APBB2: variants seen among roughly 807,000 people sequenced by gnomAD.
The protein encoded by APBB2 is Fe65-like 1.
In APBB2, 38 loss-of-function variants were observed where a neutral mutation model predicts 82.5. The observed-to-expected ratio is 0.46, with a 90% CI of 0.36 to 0.60. The LOEUF (loss-of-function observed/expected upper bound fraction) is 0.60. Among genes scored for constraint, APBB2 ranks in the 20% least tolerant of loss-of-function variants. The pLI is 0.00. For synonymous variants in APBB2, 341 were observed against 368.2 expected (o/e 0.93, Z 0.85); for missense variants, 772 against 972.3 (o/e 0.79, Z 2.74).
intron 13 of APBB2, among the ~76,000 whole-genome samples, chr4:40,827,506 C>G (rs551633538): frequency 1.3e-5 from 2 of 152,284 alleles, no homozygotes; most frequent in Non-Finnish European, 2.9e-5. Flanking sequence ...CTAGAAACAA[C>G]TCAAACAAGT....
intron 6 of APBB2, among the ~76,000 whole-genome samples, chr4:40,992,810 G>T (rs1360163107): frequency 6.6e-6 from 1 of 152,116 alleles, no homozygotes; most frequent in East Asian, 1.9e-4. Flanking sequence ...CGAGGCTCAT[G>T]GGCAATGACG....
At chr4:40,989,331 G>A (rs781625132) in intron 6 of APBB2, among the ~76,000 whole-genome samples, 2 of 152,072 alleles carry the variant, frequency 1.3e-5, no homozygotes, top group Non-Finnish European at 2.9e-5. Context: ...ATGGCTTCCA[G>A]AGGTAGATGC....
At position 40,871,753 on chromosome 4, in the gene APBB2, TATTCTCCCCTC is replaced by T. The variant is rs1299150763; in HGVS notation, c.1529+18600_1529+18610del. 1.3e-4 allele frequency among the ~76,000 whole-genome samples: 20 copies of T among 152,336 alleles called. No individual in the cohort carries two copies. The East Asian group carries it at 1.3e-3, about 10-fold the overall frequency. ...GTCAAAACATGCACAGAGTTCTGAT[TATTCTCCCCTC>T]ATTCTCCCCTTCAGATAATCAAAAG... On this transcript the variant is annotated intron_variant, in intron 12 of 17. Coordinates refer to ENST00000508593, the MANE Select transcript of APBB2 (RefSeq NM_004307.2).
At chr4:40,920,832 T>C (rs1404240513) in intron 10 of APBB2, among the ~76,000 whole-genome samples, 1 of 152,102 alleles carries the variant, frequency 6.6e-6, no homozygotes, top group Non-Finnish European at 1.5e-5. Flanking sequence ...GATCACACCA[T>C]TGCACTCCAG....
Position 40,830,369 on chromosome 4 carries a change from C to T in APBB2, c.1644+94G>A, listed in dbSNP as rs1751456908. ...GCCTACTTCTCCCTGAGCTCAACTG[C>T]AGGTTGATGTGCCCACTCCCCCGCC... is the stretch of plus-strand genomic sequence containing the variant. On this transcript the variant is annotated intron_variant, in intron 13 of 17. Transcript: ENST00000508593. The T allele has an allele frequency of 3.8e-6, 3 of 799,932 alleles. No individual in the cohort carries two copies. In the South Asian group the frequency reaches 4.3e-5, roughly 11 times the overall value. 49.6% of individuals were successfully genotyped at this position (799,932 alleles called of 1,614,324 possible).
rs6846748 is a variant in APBB2, at chr4:40,906,423, G to A, written c.1255-13012C>T. ...CAGAGGCTACAGTGAGCTGAGGTGC[G>A]CCACTGCACTCCAGCCTGGGTGACA... On this transcript the variant is annotated intron_variant, in intron 10 of 17. Coordinates refer to ENST00000508593, the MANE Select transcript of APBB2 (RefSeq NM_004307.2). Among the ~76,000 whole-genome samples, 785 of 137,060 alleles carry A rather than the reference G, an allele frequency of 5.7e-3. 5 individuals carry two copies. The highest frequency in any genetic ancestry group is 0.021 in the African/African-American group (736 of 34,966). 89.9% of individuals were successfully genotyped at this position (137,060 alleles called of 152,430 possible).
At chr4:40,961,323 A>G (rs1325909881) in intron 6 of APBB2, among the ~76,000 whole-genome samples, 2 of 152,086 alleles carry the variant, frequency 1.3e-5, no homozygotes, top group Non-Finnish European at 2.9e-5. Flanking sequence ...AAACACAAAC[A>G]TATAGACATC....
At chr4:40,989,059 C>G (rs1333510789) in intron 6 of APBB2, among the ~76,000 whole-genome samples, 2 of 152,032 alleles carry the variant, frequency 1.3e-5, no homozygotes, top group Non-Finnish European at 2.9e-5. Context: ...GCGCCTGGCC[C>G]CAGAGTACTT....
rs748626664 is a variant in APBB2, at chr4:40,945,067, A to G, written c.842T>C (p.Ile281Thr). 23 of 1,342,876 alleles carry G rather than the reference A, an allele frequency of 1.7e-5. No homozygotes were observed. In the Middle Eastern group the frequency reaches 6.2e-4, roughly 36 times the overall value. 83.2% of individuals were successfully genotyped at this position (1,342,876 alleles called of 1,614,324 possible). ...SPSSPDETAD[I>T]WSDHSFQTDP... ...AGTCTGAAATGAGTGATCACTCCAT[A>G]TATCTGCTGAAAAATTGGGGGGCGG... Residue 281 changes from isoleucine to threonine, a missense_variant, in exon 7 of 18, where the codon ATA (isoleucine) becomes ACA (threonine). Physicochemically the swap from Ile to Thr is moderately conservative, Grantham distance 89. Transcript: ENST00000508593.
chr4:41,105,988 T>A (rs1257594758), intron 2 of APBB2, among the ~76,000 whole-genome samples: 3 of 152,204 alleles, frequency 2.0e-5, no homozygotes, highest in African/African-American at 4.8e-5. Flanking sequence ...GAATCTTAAT[T>A]TTTCAAAGAC....
At chr4:41,011,003 G>A (rs1181355102) in intron 6 of APBB2, among the ~76,000 whole-genome samples, 1 of 151,708 alleles carries the variant, frequency 6.6e-6, no homozygotes, top group East Asian at 1.9e-4. Flanking sequence ...ACACAATATT[G>A]TTTCCATCAG....
At chr4:41,020,819 C>T (rs1811282083) in intron 5 of APBB2, among the ~76,000 whole-genome samples, 3 of 152,180 alleles carry the variant, frequency 2.0e-5, no homozygotes, top group African/African-American at 7.2e-5. Context: ...AGTGACACTC[C>T]GAAGCCTCTG....
intron 1 of APBB2, among the ~76,000 whole-genome samples, chr4:41,210,088 C>T (rs931167965): frequency 6.6e-6 from 1 of 152,340 alleles, no homozygotes; most frequent in East Asian, 1.9e-4. Flanking sequence ...AATGCCACCA[C>T]TGATCTGACA....
In APBB2 at chr4:41,045,796, G is replaced by A. The variant is rs549781295; in HGVS notation, c.-50-12492C>T. On this transcript the variant is annotated intron_variant, in intron 4 of 17. Transcript: ENST00000508593. The stretch of plus-strand genomic sequence containing the variant: ...CTGTATGAGGACAGAGACTATGTCC[G>A]TTTCATTCATTAGCATATTCCTAGT... Among the ~76,000 whole-genome samples the A allele has an allele frequency of 5.0e-4, 76 of 152,224 alleles. 1 individual carries two copies. The highest frequency in any genetic ancestry group is 1.7e-3 in the Admixed American group (26 of 15,294).
At chr4:41,184,097 G>A (rs1159548167) in intron 1 of APBB2, among the ~76,000 whole-genome samples, 1 of 151,946 alleles carries the variant, frequency 6.6e-6, no homozygotes, top group African/African-American at 2.4e-5. Flanking sequence ...GTTCACAATA[G>A]GATTCGTGCT....
chr4:40,892,009 TG>T (rs1162893443), intron 11 of APBB2, among the ~76,000 whole-genome samples: 1 of 150,596 alleles, frequency 6.6e-6, no homozygotes, highest in Non-Finnish European at 1.5e-5. Flanking sequence ...TGGAGTGCAA[TG>T]GCACGATAGC....
chr4:40,844,142 A>G (rs748903718), intron 12 of APBB2, among the ~76,000 whole-genome samples: 14 of 152,174 alleles, frequency 9.2e-5, no homozygotes, highest in Non-Finnish European at 1.0e-4. Context: ...TGGGCTGAAG[A>G]GGCAGACACA....
chr4:40,857,158 A>G (rs531668147), intron 12 of APBB2: 3 of 985,392 alleles, frequency 3.0e-6, no homozygotes, highest in African/African-American at 1.7e-5. Flanking sequence ...CTCAAGTTGA[A>G]GAGAGCGGCG....
intron 10 of APBB2, among the ~76,000 whole-genome samples, chr4:40,898,836 A>G (rs1774434172): frequency 7.8e-6 from 1 of 128,506 alleles, no homozygotes; most frequent in South Asian, 2.7e-4. Flanking sequence ...AAAGAAAGAA[A>G]AAAGAAACAC....
Sources: gnomAD v4.1 joint callset for allele counts (sites outside exome capture counted in the v4.1 genomes callset) on GRCh38, gnomAD v4.1.1 for gene constraint, MANE v1.5 for transcripts, NCBI Gene and HGNC (gene_info 2026-07-23, HGNC 2026-07-21) for gene names.